The following FMN1 variants were observed in gnomAD, a reference collection of about 807,000 sequenced individuals.
FMN1 encodes the protein formin-1.
FMN1 carries 110 observed loss-of-function variants against 132.4 expected under a neutral mutation model. The observed-to-expected ratio is 0.83, with a 90% CI of 0.71 to 0.97. The LOEUF (loss-of-function observed/expected upper bound fraction) is 0.97. Among genes scored for constraint, FMN1 ranks in the 50% least tolerant of loss-of-function variants. FMN1 has a pLI of 0.00. For missense variants in FMN1, 1,792 were observed against 1,705.3 expected, an observed-to-expected ratio of 1.05 and a Z score of -0.90; for synonymous variants, 722 against 651.7, an observed-to-expected ratio of 1.11 and a Z score of -1.64.
chr15:32,907,665 C>T (rs780350512), intron 12 of FMN1, among the ~76,000 whole-genome samples: 53 of 151,298 alleles, frequency 3.5e-4, no homozygotes, highest in Admixed American at 9.2e-4. Context: ...ATTTCTGCTT[C>T]ATTTTCTACA....
At chr15:32,895,699 G>A (rs758329350) in intron 15 of FMN1, among the ~76,000 whole-genome samples, 2 of 151,936 alleles carry the variant, frequency 1.3e-5, no homozygotes, top group Non-Finnish European at 2.9e-5. Context: ...TTTGTAAATT[G>A]CCTGTGATAT....
chr15:33,112,881 C>A (rs372873118), intron 4 of FMN1, among the ~76,000 whole-genome samples: 3 of 152,126 alleles, frequency 2.0e-5, no homozygotes, highest in African/African-American at 4.8e-5. Flanking sequence ...GGGTTTATAT[C>A]GTCAGAAAGG....
chr15:33,124,601 AAT>A (rs1003121449), intron 4 of FMN1, among the ~76,000 whole-genome samples: 32 of 152,136 alleles, frequency 2.1e-4, no homozygotes, highest in African/African-American at 7.7e-4. Flanking sequence ...AGCATATACA[AAT>A]ATTGCATTAA....
intron 17 of FMN1, among the ~76,000 whole-genome samples, chr15:32,806,773 C>T (rs555350322): frequency 6.6e-6 from 1 of 152,328 alleles, no homozygotes; most frequent in East Asian, 1.9e-4. Context: ...ACAGTCTGCA[C>T]GATGGGCTCC....
intron 4 of FMN1, among the ~76,000 whole-genome samples, chr15:33,143,620 A>C (rs1191606911): frequency 6.6e-6 from 1 of 152,148 alleles, no homozygotes; most frequent in Admixed American, 6.5e-5. Flanking sequence ...AGCAAGGCAA[A>C]CCCATTTTAC....
At chr15:32,952,679 C>T (rs528441433) in intron 9 of FMN1, among the ~76,000 whole-genome samples, 2 of 152,292 alleles carry the variant, frequency 1.3e-5, no homozygotes, top group African/African-American at 4.8e-5. Context: ...CTGGTACTTG[C>T]AGCTCTGTAC....
intron 6 of FMN1, among the ~76,000 whole-genome samples, chr15:33,013,323 T>G (rs2034842407): frequency 6.6e-6 from 1 of 152,224 alleles, no homozygotes; most frequent in Admixed American, 6.5e-5. Flanking sequence ...GCCAAGGGTT[T>G]TAATACAGTG....
chr15:33,191,284 C>A (rs1033890360), intron 2 of FMN1, among the ~76,000 whole-genome samples: 1 of 152,050 alleles, frequency 6.6e-6, no homozygotes, highest in Non-Finnish European at 1.5e-5. Flanking sequence ...TTAGCAGTGA[C>A]CTATGACACT....
rs71113479 is a variant in FMN1 at position 32,848,977 on chromosome 15, G to GTTTTTTT, written c.3928+8031_3928+8037dup. ...ATCAGTCTTGGGTTAGTTCTCTTTT[G>GTTTTTTT]TTTTTTTTTTTTTTTTTTTTTTCAG... On this transcript the variant is annotated intron_variant, in intron 17 of 20. Transcript: ENST00000616417. 7.3e-4 allele frequency among the ~76,000 whole-genome samples: 65 copies of GTTTTTTT among 89,574 alleles called. 4 individuals carry two copies. The highest frequency in any genetic ancestry group is 2.0e-3 in the East Asian group (5 of 2,526). The allele number at this position is 89,574 out of a possible 152,430, so 58.8% of individuals were successfully genotyped here.
intron 19 of FMN1, among the ~76,000 whole-genome samples, chr15:32,798,180 ACACACACACACACACACACAC>A (rs2057353772): frequency 2.0e-5 from 3 of 148,968 alleles, no homozygotes; most frequent in East Asian, 3.9e-4. Context: ...AGGAAAACGC[ACACACACACACACACACACAC>A]ACACACACAC....
intron 9 of FMN1, among the ~76,000 whole-genome samples, chr15:32,937,278 A>T (rs577030804): frequency 6.6e-6 from 1 of 152,246 alleles, no homozygotes; most frequent in Admixed American, 6.5e-5. Flanking sequence ...AACATTAGAC[A>T]TAAGATCCAG....
chr15:33,185,739 A>ATT (rs1248439560), intron 2 of FMN1, among the ~76,000 whole-genome samples: 1 of 151,528 alleles, frequency 6.6e-6, no homozygotes, highest in Non-Finnish European at 1.5e-5. Flanking sequence ...CACCCAGCTA[A>ATT]TTTTGTATTT....
intron 14 of FMN1, among the ~76,000 whole-genome samples, chr15:32,899,443 C>G (rs1373400513): frequency 6.6e-6 from 1 of 152,188 alleles, no homozygotes; most frequent in Non-Finnish European, 1.5e-5. Flanking sequence ...TCCCTGCACC[C>G]CCCTGCCCCC....
chr15:32,923,003 A>T (rs1213537032), intron 10 of FMN1, among the ~76,000 whole-genome samples: 1 of 152,224 alleles, frequency 6.6e-6, no homozygotes, highest in Non-Finnish European at 1.5e-5. Flanking sequence ...TTGTTGTTGT[A>T]AGAAGGAATA....
In FMN1 at chr15:33,154,659, C is replaced by T. The variant is rs1964599018; in HGVS notation, c.256G>A (p.Glu86Lys). 1 of 1,536,106 alleles carries T rather than the reference C, an allele frequency of 6.5e-7. No homozygotes were observed. Among genetic ancestry groups the T allele is most frequent in the Non-Finnish European group, 8.7e-7 (1 of 1,146,906 alleles). ...KQTPTKDILT[E>K]LYKLTTERER... is the part of the protein sequence containing the mutation. ...CTCTCTGTTGTGAGTTTGTACAGCT[C>T]AGTTAGAATGTCTTTCGTGGGAGTC... Residue 86 changes from glutamate (E) to lysine (K), a missense_variant, in exon 4 of 21, where the codon GAG (glutamate) becomes AAG (lysine). This residue lies in a region of FMN1 where 638 missense variants were observed against 645.2 expected (regional missense o/e 0.99). Transcript: ENST00000616417.
chr15:32,924,782 C>T (rs1430547209), intron 10 of FMN1, among the ~76,000 whole-genome samples: 8 of 152,132 alleles, frequency 5.3e-5, no homozygotes, highest in African/African-American at 1.9e-4. Flanking sequence ...TATGTTATGG[C>T]GTATGCCTGT....
chr15:33,084,245 T>C (rs764852814), intron 5 of FMN1, among the ~76,000 whole-genome samples: 45 of 152,324 alleles, frequency 3.0e-4, no homozygotes, highest in Non-Finnish European at 4.4e-4. Flanking sequence ...TTGTGTAAGG[T>C]CCAAGAACCC....
chr15:32,955,228 C>T (rs982968837), intron 9 of FMN1, among the ~76,000 whole-genome samples: 3 of 152,150 alleles, frequency 2.0e-5, no homozygotes, highest in Non-Finnish European at 4.4e-5. Flanking sequence ...TTTTTAATCT[C>T]CACTTGAATG....
chr15:33,137,348 C>T (rs1330268881), intron 4 of FMN1, among the ~76,000 whole-genome samples: 1 of 152,180 alleles, frequency 6.6e-6, no homozygotes, highest in Non-Finnish European at 1.5e-5. Flanking sequence ...CTACATTTGC[C>T]TCTTCTACTT....
Sources: allele counts gnomAD v4.1 joint callset (sites outside exome capture counted in the v4.1 genomes callset), GRCh38; gene constraint gnomAD v4.1.1; regional missense constraint gnomAD v4.1.1; transcripts MANE v1.5; gene names NCBI Gene and HGNC (gene_info 2026-07-23, HGNC 2026-07-21).